TEX2: variants seen among roughly 807,000 people sequenced by gnomAD.
TEX2 encodes the protein testis expressed 2.
In TEX2, 53 loss-of-function variants were observed where a neutral mutation model predicts 106.9. That is an observed-to-expected ratio of 0.50 (90% CI 0.40 to 0.62). The LOEUF (loss-of-function observed/expected upper bound fraction) is 0.62. Among genes scored for constraint, TEX2 ranks in the 20% least tolerant of loss-of-function variants. TEX2 has a pLI of 0.00. For synonymous variants in TEX2, 523 were observed against 534.8 expected, an observed-to-expected ratio of 0.98 and a Z score of 0.30; for missense variants, 1,207 against 1,379.0, an observed-to-expected ratio of 0.88 and a Z score of 1.98.
intron 9 of TEX2, among the ~76,000 whole-genome samples, chr17:64,154,189 T>C (rs888369521): frequency 6.6e-6 from 1 of 152,236 alleles, no homozygotes; most frequent in African/African-American, 2.4e-5. Flanking sequence ...ATCTGAATTC[T>C]CATCTCCTGT....
chr17:64,254,289 T>C (rs570785045), intron 1 of TEX2, among the ~76,000 whole-genome samples: 1 of 152,198 alleles, frequency 6.6e-6, no homozygotes, highest in Non-Finnish European at 1.5e-5. Flanking sequence ...TACTACATAA[T>C]CAAACTCCTT....
intron 6 of TEX2, among the ~76,000 whole-genome samples, chr17:64,177,033 C>T (rs1046801118): frequency 2.6e-5 from 4 of 152,068 alleles, no homozygotes; most frequent in Non-Finnish European, 5.9e-5. Flanking sequence ...TAAGACGAAT[C>T]GGTTATAAGA....
chr17:64,177,294 G>A, intron 6 of TEX2, 31 bp downstream of exon 6: 1 of 1,613,044 alleles, frequency 6.2e-7, no homozygotes, highest in Non-Finnish European at 8.5e-7. Flanking sequence ...AAGTATAGAG[G>A]ATTAGAAGCC....
intron 1 of TEX2, among the ~76,000 whole-genome samples, chr17:64,244,399 A>T (rs2033949495): frequency 6.6e-6 from 1 of 152,142 alleles, no homozygotes; most frequent in Admixed American, 6.5e-5. Flanking sequence ...TGGATTCTTG[A>T]ATTTGCCTCG....
At chr17:64,207,321 A>G (rs2032864310) in intron 2 of TEX2, among the ~76,000 whole-genome samples, 1 of 152,118 alleles carries the variant, frequency 6.6e-6, no homozygotes, top group Non-Finnish European at 1.5e-5. Context: ...ACTGGTTCAC[A>G]GCTCATATAT....
intron 1 of TEX2, among the ~76,000 whole-genome samples, chr17:64,214,560 TA>T (rs2033130178): frequency 6.6e-6 from 1 of 152,200 alleles, no homozygotes; most frequent in Admixed American, 6.5e-5. Flanking sequence ...TCTTAAGCCT[TA>T]AAATACCTGA....
In TEX2 at chr17:64,213,926, G is replaced by A. The variant is rs1445870425; in HGVS notation, c.292C>T (p.Leu98=). The change falls in exon 2 of 12, where the codon CTG becomes TTG. Residue 98 remains leucine, a synonymous_variant. Coordinates refer to ENST00000584379, the MANE Select transcript of TEX2 (RefSeq NM_001288732.2). The surrounding 1 kb of genome is among the most constrained non-coding windows in gnomAD (Gnocchi z 4.4). The part of the protein sequence containing the change: ...PAASPVLADG[L]SVSQAPAILP... ...ATGGCAGGGGCCTGGGACACGGACA[G>A]TCCATCTGCCAGGACAGGCGAGGCA... 1 of 1,614,214 alleles carries A rather than the reference G, an allele frequency of 6.2e-7. No individual in the cohort carries two copies. The highest frequency in any genetic ancestry group is 8.5e-7 in the Non-Finnish European group (1 of 1,180,042).
intron 2 of TEX2, among the ~76,000 whole-genome samples, chr17:64,199,393 C>T (rs985705907): frequency 2.0e-5 from 3 of 152,074 alleles, no homozygotes; most frequent in Non-Finnish European, 4.4e-5. Context: ...TGTGCCACCA[C>T]GCCCGGCTAA....
chr17:64,233,897 C>G (rs2033711663), intron 1 of TEX2, among the ~76,000 whole-genome samples: 1 of 152,180 alleles, frequency 6.6e-6, no homozygotes, highest in African/African-American at 2.4e-5. Flanking sequence ...ACTACACATG[C>G]CTGTACTGTT....
chr17:64,211,061 A>G (rs2032987054), intron 2 of TEX2, among the ~76,000 whole-genome samples: 2 of 152,100 alleles, frequency 1.3e-5, no homozygotes, highest in South Asian at 2.1e-4. Context: ...CCCAGGCCCA[A>G]GCAATTCTCC....
intron 1 of TEX2, among the ~76,000 whole-genome samples, chr17:64,257,717 G>A (rs1555637942): frequency 6.6e-6 from 1 of 152,120 alleles, no homozygotes; most frequent in Admixed American, 6.5e-5. Flanking sequence ...CTTAATAACA[G>A]CCCCAAAGCA....
intron 4 of TEX2, among the ~76,000 whole-genome samples, chr17:64,190,065 T>A (rs1044621030): frequency 4.0e-5 from 6 of 151,682 alleles, no homozygotes; most frequent in African/African-American, 1.2e-4. Flanking sequence ...GCTCCAACCA[T>A]CAGAACCATA....
chr17:64,155,228 G>T (rs933572662), intron 8 of TEX2: 6 of 359,004 alleles, frequency 1.7e-5, no homozygotes, highest in Non-Finnish European at 3.0e-5. Context: ...AGAAGAGGTT[G>T]CTTTTGAGCA....
At chr17:64,233,986 C>A (rs1337357132) in intron 1 of TEX2, among the ~76,000 whole-genome samples, 3 of 152,304 alleles carry the variant, frequency 2.0e-5, no homozygotes, top group Admixed American at 1.3e-4. Flanking sequence ...AGCTGGCCCC[C>A]GCCAGGGCCT....
chr17:64,234,952 C>T (rs1034655003), intron 1 of TEX2, among the ~76,000 whole-genome samples: 5 of 151,870 alleles, frequency 3.3e-5, no homozygotes, highest in African/African-American at 4.8e-5. Flanking sequence ...TAAAGAACAC[C>T]TTTAGGTACT....
chr17:64,249,087 C>T (rs565566652), intron 1 of TEX2, among the ~76,000 whole-genome samples: 88 of 151,788 alleles, frequency 5.8e-4, no homozygotes, highest in African/African-American at 1.9e-3. Context: ...AGGTACCTGC[C>T]CCCATACCTA....
In TEX2 at chr17:64,185,240, G is replaced by A. The variant is rs1354499395; in HGVS notation, c.2424+2928C>T. Among the ~76,000 whole-genome samples, 1 of 152,112 alleles carries A rather than the reference G, an allele frequency of 6.6e-6. No individual in the cohort carries two copies. Among genetic ancestry groups the A allele is most frequent in the African/African-American group, 2.4e-5 (1 of 41,428 alleles). Reference sequence around the variant, plus strand: ...TTTTTTAAAACTGTCTGTTGAAATGGAGAGTGGAAGTGCCTTATGCAACCT... The same window carrying A: ...TTTTTTAAAACTGTCTGTTGAAATGAAGAGTGGAAGTGCCTTATGCAACCT... On this transcript the variant is annotated intron_variant, in intron 5 of 11. Transcript: ENST00000584379. This position sits in a 1 kb window ranked among gnomAD's most constrained non-coding sequence, Gnocchi z 4.0.
chr17:64,183,422 A>ATTTC (rs751236413), intron 5 of TEX2, among the ~76,000 whole-genome samples: 1 of 151,356 alleles, frequency 6.6e-6, no homozygotes, highest in Non-Finnish European at 1.5e-5. Context: ...GAGGACTCCA[A>ATTTC]TTTCTTTCTT....
At chr17:64,151,665 A>G (rs2030362039) in intron 10 of TEX2, among the ~76,000 whole-genome samples, 1 of 152,164 alleles carries the variant, frequency 6.6e-6, no homozygotes, top group Non-Finnish European at 1.5e-5. Context: ...AACACTCTAT[A>G]CTTATCTTTA....
Sources: gnomAD v4.1 joint callset for allele counts (sites outside exome capture counted in the v4.1 genomes callset) on GRCh38, gnomAD v4.1.1 for gene constraint, Gnocchi (gnomAD v3.1) non-coding constraint, MANE v1.5 for transcripts, NCBI Gene and HGNC (gene_info 2026-07-23, HGNC 2026-07-21) for gene names.